The following MAST4 variants were observed in gnomAD, a reference collection of about 807,000 sequenced individuals.
MAST4 encodes microtubule associated serine/threonine kinase family member 4.
A neutral mutation model predicts 162.7 loss-of-function variants in MAST4; 89 were observed. The ratio of observed to expected loss-of-function variants is 0.55; its 90% CI spans 0.46 to 0.65. The LOEUF (loss-of-function observed/expected upper bound fraction) is 0.65, where lower values mean the gene tolerates loss of function less well. Ranked by LOEUF, MAST4 falls within the 30% of genes least tolerant of loss-of-function variation. The pLI is 0.00. For synonymous variants in MAST4, 1,479 were observed against 1,361.1 expected (o/e 1.09, Z -1.91); for missense variants, 3,153 against 3,374.0 (o/e 0.93, Z 1.62).
intron 2 of MAST4, among the ~76,000 whole-genome samples, chr5:66,766,142 T>C (rs892040624): frequency 5.2e-4 from 79 of 152,268 alleles, no homozygotes; most frequent in Non-Finnish European, 2.8e-4. Context: ...AATCTTGGGA[T>C]CTTGAATCCT....
chr5:67,045,403 C>T (rs1367078103), intron 4 of MAST4, among the ~76,000 whole-genome samples: 2 of 152,152 alleles, frequency 1.3e-5, no homozygotes, highest in African/African-American at 4.8e-5. Context: ...CCATGTTAGC[C>T]ATGTAGAAAT....
At chr5:66,703,539 T>C (rs1250621364) in intron 1 of MAST4, among the ~76,000 whole-genome samples, 6 of 152,150 alleles carry the variant, frequency 3.9e-5, no homozygotes, top group Non-Finnish European at 5.9e-5. Flanking sequence ...GTGAACTCTA[T>C]AGGGATGCAG....
At chr5:67,112,431 G>C (rs1312073244) in intron 11 of MAST4, among the ~76,000 whole-genome samples, 2 of 152,032 alleles carry the variant, frequency 1.3e-5, no homozygotes, top group Non-Finnish European at 1.5e-5. Flanking sequence ...CAGGTTGAGG[G>C]GTCAATTCCA....
In MAST4 at chr5:67,145,069, T is replaced by A. The variant is rs1770895603; in HGVS notation, c.2859-75T>A. 4.6e-6 allele frequency: 6 copies of A among 1,306,294 alleles called. No homozygotes were observed. In the East Asian group the frequency reaches 1.5e-4, roughly 33 times the overall value. The allele number at this position is 1,306,294 out of a possible 1,614,324, so 80.9% of individuals were successfully genotyped here. ...GGCTTATCCAAGTCCGATTTTCACC[T>A]GGTTTCTTCCAAAATTCACCTTTAA... On this transcript the variant is annotated intron_variant, in intron 22 of 28. Coordinates refer to ENST00000403625, the MANE Select transcript of MAST4 (RefSeq NM_001164664.2).
chr5:66,988,398 T>C, intron 4 of MAST4, among the ~76,000 whole-genome samples: 1 of 152,168 alleles, frequency 6.6e-6, no homozygotes, highest in East Asian at 1.9e-4. Flanking sequence ...CAGCTTCCAA[T>C]GGGCAAGCAG....
chr5:66,780,931 C>T (rs1460426932), intron 2 of MAST4, among the ~76,000 whole-genome samples: 1 of 152,330 alleles, frequency 6.6e-6, no homozygotes, highest in Admixed American at 6.5e-5. Context: ...CCCACTCAGC[C>T]CAGGAAGGTC....
chr5:67,094,742 C>A (rs1423266304), intron 6 of MAST4, among the ~76,000 whole-genome samples: 1 of 152,174 alleles, frequency 6.6e-6, no homozygotes, highest in Non-Finnish European at 1.5e-5. Flanking sequence ...CATCTGAGAC[C>A]CTTGTAATGA....
At chr5:66,894,741 TG>T (rs1580793370) in intron 3 of MAST4, among the ~76,000 whole-genome samples, 1 of 152,208 alleles carries the variant, frequency 6.6e-6, no homozygotes, top group Non-Finnish European at 1.5e-5. Flanking sequence ...TGTTTCTATG[TG>T]GGGTTTGGGA....
intron 2 of MAST4, 63 bp from the exon 3 acceptor site, chr5:66,788,607 C>CAACCAAAAAA: frequency 7.3e-7 from 1 of 1,373,728 alleles, no homozygotes; most frequent in Non-Finnish European, 1.0e-6. Context: ...CCCCCACCCC[C>CAACCAAAAAA]ATTGCAATAA....
intron 1 of MAST4, among the ~76,000 whole-genome samples, chr5:66,611,875 G>A (rs1743311441): frequency 6.6e-6 from 1 of 152,210 alleles, no homozygotes; most frequent in African/African-American, 2.4e-5. Flanking sequence ...ATGAAAAGTG[G>A]TGGATTATAT....
intron 3 of MAST4, among the ~76,000 whole-genome samples, chr5:66,790,832 A>T (rs1178161594): frequency 6.6e-6 from 1 of 152,156 alleles, no homozygotes; most frequent in Non-Finnish European, 1.5e-5. Flanking sequence ...TTTTACTCTG[A>T]TTATTTACTT....
intron 4 of MAST4, among the ~76,000 whole-genome samples, chr5:67,011,200 T>G (rs1165037616): frequency 6.6e-6 from 1 of 152,120 alleles, no homozygotes; most frequent in East Asian, 1.9e-4. Context: ...CACCACCTCT[T>G]GCTCTCCTCC....
At chr5:66,857,342 G>C (rs142741693) in intron 3 of MAST4, among the ~76,000 whole-genome samples, 2 of 152,244 alleles carry the variant, frequency 1.3e-5, no homozygotes, top group African/African-American at 4.8e-5. Context: ...TGTTTTCACT[G>C]TTACAAACGA....
intron 1 of MAST4, among the ~76,000 whole-genome samples, chr5:66,757,674 A>G (rs571840224): frequency 2.0e-5 from 3 of 152,268 alleles, no homozygotes; most frequent in African/African-American, 4.8e-5. Context: ...CCTGCAACCA[A>G]CAGTCCCCGT....
chr5:66,597,798 C>G (rs1742298218), intron 1 of MAST4, among the ~76,000 whole-genome samples: 1 of 152,096 alleles, frequency 6.6e-6, no homozygotes, highest in Non-Finnish European at 1.5e-5. Context: ...GAGCATAGGA[C>G]TCTGGTGTCC....
At chr5:67,088,625 T>C (rs931014931) in intron 5 of MAST4, among the ~76,000 whole-genome samples, 3 of 152,140 alleles carry the variant, frequency 2.0e-5, no homozygotes, top group Non-Finnish European at 4.4e-5. Context: ...TAGCTGTGTG[T>C]AGATAAATGG....
At chr5:67,024,012 C>T (rs927610355) in intron 4 of MAST4, among the ~76,000 whole-genome samples, 10 of 151,748 alleles carry the variant, frequency 6.6e-5, no homozygotes, top group African/African-American at 2.4e-4. Context: ...CCACAGAACT[C>T]CTTTCATCCT....
At chr5:67,162,048 C>T (rs867401171) in intron 27 of MAST4, among the ~76,000 whole-genome samples, 17 of 152,176 alleles carry the variant, frequency 1.1e-4, no homozygotes, top group South Asian at 6.2e-4. Context: ...TGATACGATA[C>T]GCTTCAGCTT....
intron 7 of MAST4, among the ~76,000 whole-genome samples, chr5:67,098,996 T>A (rs1764736352): frequency 1.3e-5 from 2 of 152,314 alleles, no homozygotes; most frequent in East Asian, 3.9e-4. Flanking sequence ...AAGAGATTAC[T>A]GTAAACTTAG....
Sources: allele counts gnomAD v4.1 joint callset (sites outside exome capture counted in the v4.1 genomes callset), GRCh38; gene constraint gnomAD v4.1.1; transcripts MANE v1.5; gene names NCBI Gene and HGNC (gene_info 2026-07-23, HGNC 2026-07-21).